TMEM128: variants seen among roughly 807,000 people sequenced by gnomAD.
TMEM128 encodes transmembrane protein 128.
TMEM128 carries 16 observed loss-of-function variants against 19.7 expected under a neutral mutation model. The observed-to-expected ratio is 0.81, with a 90% CI of 0.55 to 1.23. The LOEUF (loss-of-function observed/expected upper bound fraction) is 1.23. TMEM128 is among the 50% of genes most tolerant of loss of function. The pLI is 0.00. For synonymous variants in TMEM128, 98 were observed against 75.8 expected (o/e 1.29, Z -1.52); for missense variants, 237 against 200.8 (o/e 1.18, Z -1.09).
At chr4:4,242,027 A>G (rs55816463) in intron 2 of TMEM128, among the ~76,000 whole-genome samples, 46,924 of 151,792 alleles carry the variant, frequency 0.31, 7,848 homozygotes, top group East Asian at 0.46. Flanking sequence ...TCAGCCTCCC[A>G]AGTAGCTGGA....
intron 3 of TMEM128, 29 bp downstream of exon 3, chr4:4,240,292 T>C (rs1231654437): frequency 6.2e-7 from 1 of 1,609,024 alleles, no homozygotes; most frequent in Non-Finnish European, 8.5e-7. Flanking sequence ...TGTTGTTCAT[T>C]CCTGTTAGTC....
chr4:4,241,476 A>G (rs1017445538), intron 2 of TMEM128, among the ~76,000 whole-genome samples: 2 of 152,126 alleles, frequency 1.3e-5, no homozygotes, highest in Admixed American at 6.5e-5. Context: ...ACTCAATCCA[A>G]TATCCCATCA....
intron 2 of TMEM128, among the ~76,000 whole-genome samples, chr4:4,245,779 TATAC>T (rs1403557612): frequency 6.6e-6 from 1 of 151,398 alleles, no homozygotes; most frequent in African/African-American, 2.4e-5. Context: ...CACATGAATA[TATAC>T]ATATATACAT....
At chr4:4,248,033 G>C in intron 1 of TMEM128, 73 bp downstream of exon 1, 2 of 1,522,740 alleles carry the variant, frequency 1.3e-6, no homozygotes, top group Non-Finnish European at 8.8e-7. Flanking sequence ...GACTGGGCCA[G>C]GGCTGCCGGA....
chr4:4,247,809 T>C, intron 1 of TMEM128: 4 of 1,430,480 alleles, frequency 2.8e-6, no homozygotes, highest in Non-Finnish European at 3.7e-6. Flanking sequence ...CACATCATTG[T>C]ACACTGCGGT....
intron 2 of TMEM128, among the ~76,000 whole-genome samples, chr4:4,245,367 G>A (rs927921353): frequency 3.3e-5 from 5 of 152,086 alleles, no homozygotes; most frequent in Non-Finnish European, 5.9e-5. Context: ...CTCCCACTGT[G>A]GACCTTCACC....
At chr4:4,245,476 G>A (rs12512067) in intron 2 of TMEM128, among the ~76,000 whole-genome samples, 47,409 of 151,866 alleles carry the variant, frequency 0.31, 7,985 homozygotes, top group East Asian at 0.44. Flanking sequence ...ACAGTTCTCG[G>A]CTCTTCCTCC....
intron 1 of TMEM128, 163 bp downstream of exon 1, chr4:4,247,943 G>A: frequency 7.0e-7 from 1 of 1,431,312 alleles, no homozygotes; most frequent in Non-Finnish European, 9.1e-7. Context: ...CTGAAATGAC[G>A]ATGCACAGCA....
intron 2 of TMEM128, among the ~76,000 whole-genome samples, chr4:4,245,035 T>C (rs1718111527): frequency 6.6e-6 from 1 of 152,100 alleles, no homozygotes; most frequent in African/African-American, 2.4e-5. Flanking sequence ...TGAAGGCCCT[T>C]GAGGAGAAAT....
intron 1 of TMEM128, among the ~76,000 whole-genome samples, chr4:4,247,271 G>C (rs113090597): frequency 4.6e-5 from 7 of 152,234 alleles, no homozygotes; most frequent in African/African-American, 1.4e-4. Context: ...ATGCCCTCTA[G>C]GTTCACGTGA....
At chr4:4,246,753 AT>A (rs11427543) in intron 1 of TMEM128, among the ~76,000 whole-genome samples, 104 of 148,914 alleles carry the variant, frequency 7.0e-4, no homozygotes, top group Middle Eastern at 6.8e-3. Flanking sequence ...TTATAACTAA[AT>A]TTTTTTTTTT....
chr4:4,243,681 T>C (rs1480599944), intron 2 of TMEM128, among the ~76,000 whole-genome samples: 1 of 152,198 alleles, frequency 6.6e-6, no homozygotes, highest in East Asian at 1.9e-4. Context: ...TTTTTCTCTC[T>C]AAGATGACAC....
Position 4,248,176 on chromosome 4 carries a change from C to G in TMEM128, c.27G>C (p.Gln9His), listed in dbSNP as rs751535619. Residue 9 changes from glutamine (Q) to histidine (H), a missense_variant, in exon 1 of 5, where the codon CAG (glutamine) becomes CAC (histidine). Coordinates refer to ENST00000382753, the MANE Select transcript of TMEM128 (RefSeq NM_001297551.2). MDSSRARQ[Q>H]LRRRFLLLPD... ...GCAGGAGGAGGAATCGCCGCCGGAG[C>G]TGCTGCCGGGCCCGCGAGGAGTCCA... 7.2e-6 allele frequency: 11 copies of G among 1,531,882 alleles called. No homozygotes were observed. Among genetic ancestry groups the G allele is most frequent in the Middle Eastern group, 1.7e-4 (1 of 5,946 alleles). 94.9% of individuals were successfully genotyped at this position (1,531,882 alleles called of 1,614,324 possible). A position where few individuals can be genotyped will look rare whatever the true frequency, so the allele number is the denominator to read the frequency against.
At chr4:4,247,579 G>GTGAACATA (rs1170682321) in intron 1 of TMEM128, 1 of 1,613,940 alleles carries the variant, frequency 6.2e-7, no homozygotes, top group African/African-American at 1.3e-5. Context: ...GCATTCACAG[G>GTGAACATA]TGAACATACA....
chr4:4,243,874 A>G (rs1284505364), intron 2 of TMEM128, among the ~76,000 whole-genome samples: 1 of 152,094 alleles, frequency 6.6e-6, no homozygotes, highest in Admixed American at 6.5e-5. Flanking sequence ...CTAAACTACT[A>G]AAAATACCCA....
intron 2 of TMEM128, 97 bp downstream of exon 2, chr4:4,246,105 A>G (rs1176763009): frequency 1.3e-5 from 17 of 1,266,744 alleles, no homozygotes; most frequent in Non-Finnish European, 1.9e-5. Context: ...CCTGGCAGAG[A>G]GTAGTAGGTG....
At position 4,248,147 on chromosome 4, in the gene TMEM128, T is replaced by G. The variant is rs1560222349; in HGVS notation, c.56A>C (p.Asp19Ala). Residue 19 changes from aspartate (D) to alanine (A), a missense_variant, in exon 1 of 5, where the codon GAC becomes GCC. By Grantham distance (126) the Asp-to-Ala change is moderately radical. Transcript: ENST00000382753. ...QLRRRFLLLP[D>A]AEAQLDREGD... The stretch of plus-strand genomic sequence containing the variant: ...CTCGCGGTCCAGCTGGGCCTCGGCG[T>G]CCGGCAGGAGGAGGAATCGCCGCCG... 2.0e-6 allele frequency: 3 copies of G among 1,534,110 alleles called. No individual in the cohort carries two copies. The highest frequency in any genetic ancestry group is 2.6e-6 in the Non-Finnish European group (3 of 1,142,168).
At chr4:4,246,177 T>C in intron 2 of TMEM128, 25 bp downstream of exon 2, 1 of 1,577,622 alleles carries the variant, frequency 6.3e-7, no homozygotes, top group Non-Finnish European at 8.6e-7. Flanking sequence ...TGGGTTTAAT[T>C]TACAAAGCAA....
At chr4:4,248,019 T>C (rs1408455741) in intron 1 of TMEM128, 87 bp downstream of exon 1, 13 of 1,506,042 alleles carry the variant, frequency 8.6e-6, no homozygotes, top group Non-Finnish European at 9.7e-6. Context: ...ACTCAGTCCT[T>C]CCAGACTGGG....
Sources: allele counts gnomAD v4.1 joint callset (sites outside exome capture counted in the v4.1 genomes callset), GRCh38; gene constraint gnomAD v4.1.1; transcripts MANE v1.5; gene names NCBI Gene and HGNC (gene_info 2026-07-23, HGNC 2026-07-21).